The following HSPBAP1 variants were observed in gnomAD, a reference collection of about 807,000 sequenced individuals.
HSPBAP1 encodes the protein HSPB1 associated protein 1, also known as HSPB1-associated protein 1.
In HSPBAP1, 27 loss-of-function variants were observed where a neutral mutation model predicts 45.2. The observed-to-expected ratio is 0.60, with a 90% confidence interval of 0.44 to 0.82. The LOEUF (loss-of-function observed/expected upper bound fraction) is 0.82, where lower values mean the gene tolerates loss of function less well. Among genes scored for constraint, HSPBAP1 ranks in the 40% least tolerant of loss-of-function variants. The pLI, the probability that HSPBAP1 is intolerant of heterozygous loss-of-function variation, is 0.00. For synonymous variants in HSPBAP1, 204 were observed against 202.7 expected (o/e 1.01, Z -0.06); for missense variants, 510 against 590.9 (o/e 0.86, Z 1.42).
intron 3 of HSPBAP1, among the ~76,000 whole-genome samples, chr3:122,761,155 G>A (rs2107515161): frequency 6.6e-6 from 1 of 152,244 alleles, no homozygotes; most frequent in South Asian, 2.1e-4. Context: ...AAAGGTAGCT[G>A]AAAGCCATTC....
intron 6 of HSPBAP1, among the ~76,000 whole-genome samples, chr3:122,747,659 C>T (rs868867897): frequency 0.05 from 6,782 of 136,720 alleles, 279 homozygotes; most frequent in Admixed American, 0.075. Context: ...CCCGGCCAGC[C>T]GCCCCGTCCG....
At chr3:122,759,579 T>C (rs1304753573) in intron 3 of HSPBAP1, among the ~76,000 whole-genome samples, 1 of 152,210 alleles carries the variant, frequency 6.6e-6, no homozygotes, top group Non-Finnish European at 1.5e-5. Flanking sequence ...ATTCAACAAA[T>C]ATTTACTGAC....
chr3:122,767,663 A>C (rs751181977), intron 3 of HSPBAP1, among the ~76,000 whole-genome samples: 3 of 152,226 alleles, frequency 2.0e-5, no homozygotes, highest in Non-Finnish European at 2.9e-5. Context: ...GCGCAGTGGC[A>C]CATTCCTATA....
chr3:122,780,210 AC>A (rs1935374021), intron 1 of HSPBAP1, among the ~76,000 whole-genome samples: 1 of 79,700 alleles, frequency 1.3e-5, no homozygotes, highest in Admixed American at 1.1e-4. Context: ...TCCCTCCCGG[AC>A]GGGGCGGCTG....
At chr3:122,766,212 G>A (rs1265611131) in intron 3 of HSPBAP1, among the ~76,000 whole-genome samples, 1 of 152,082 alleles carries the variant, frequency 6.6e-6, no homozygotes, top group Non-Finnish European at 1.5e-5. Context: ...AGTGGGTTGT[G>A]TCATTTTAAA....
At chr3:122,769,406 T>A (rs888547457) in intron 2 of HSPBAP1, among the ~76,000 whole-genome samples, 5 of 152,188 alleles carry the variant, frequency 3.3e-5, no homozygotes, top group African/African-American at 1.2e-4. Flanking sequence ...AAAGCTTCAA[T>A]AAAAGATGTA....
chr3:122,760,317 T>G (rs1387076931), intron 3 of HSPBAP1, among the ~76,000 whole-genome samples: 1 of 152,140 alleles, frequency 6.6e-6, no homozygotes, highest in Non-Finnish European at 1.5e-5. Context: ...TGCCTTATTT[T>G]TATTTTAATC....
At chr3:122,779,835 G>T (rs1935347069) in intron 1 of HSPBAP1, among the ~76,000 whole-genome samples, 1 of 152,062 alleles carries the variant, frequency 6.6e-6, no homozygotes, top group Non-Finnish European at 1.5e-5. Context: ...TAAGGTCACA[G>T]ATCAACAGGA....
At chr3:122,779,088 G>C (rs900493884) in intron 1 of HSPBAP1, among the ~76,000 whole-genome samples, 2 of 151,566 alleles carry the variant, frequency 1.3e-5, no homozygotes, top group Non-Finnish European at 2.9e-5. Context: ...TGTTGCCCAG[G>C]CTGGAGTGCA....
At chr3:122,787,722 C>A (rs1417532066) in intron 1 of HSPBAP1, among the ~76,000 whole-genome samples, 5 of 152,024 alleles carry the variant, frequency 3.3e-5, no homozygotes, top group Admixed American at 1.3e-4. Flanking sequence ...AAGTTTAAAA[C>A]CTCTGGAATG....
At chr3:122,773,862 C>T (rs1935095924) in intron 2 of HSPBAP1, among the ~76,000 whole-genome samples, 1 of 152,170 alleles carries the variant, frequency 6.6e-6, no homozygotes. Context: ...TGGTCTTGAA[C>T]TCCTGGGCTC....
chr3:122,768,957 A>G, intron 2 of HSPBAP1, 75 bp from the exon 3 acceptor site: 2 of 1,095,418 alleles, frequency 1.8e-6, no homozygotes, highest in Non-Finnish European at 2.6e-6. Context: ...TTTAAAATAA[A>G]GATAATTTCA....
chr3:122,775,411 T>G (rs1935157821), intron 2 of HSPBAP1, among the ~76,000 whole-genome samples: 1 of 152,224 alleles, frequency 6.6e-6, no homozygotes, highest in South Asian at 2.1e-4. Flanking sequence ...TTATTAGTCA[T>G]TAAGGAAACA....
At position 122,740,729 on chromosome 3, in the gene HSPBAP1, C is replaced by T. The variant is rs747800045; in HGVS notation, c.1083G>A (p.Val361=). Residue 361 remains valine, a synonymous_variant, in exon 8 of 8, where the codon GTG becomes GTA. Coordinates refer to ENST00000306103, the MANE Select transcript of HSPBAP1 (RefSeq NM_024610.6). ...TTTGGCCCACCTCCATGTGGTTGCACACATTTAATTCTTCCTTTTTCATGT... is the reference window on the plus strand; with the variant it reads ...TTTGGCCCACCTCCATGTGGTTGCATACATTTAATTCTTCCTTTTTCATGT... ...GEHMKKEELN[V]CNHMEVGQTG... 2 of 1,614,018 alleles carry T rather than the reference C, an allele frequency of 1.2e-6. No homozygotes were observed. The highest frequency in any genetic ancestry group is 2.7e-5 in the African/African-American group (2 of 74,936).
Position 122,755,439 on chromosome 3 carries a change from A to T in HSPBAP1, c.570-8T>A. On this transcript the variant is annotated splice_region_variant and splice_polypyrimidine_tract_variant and intron_variant, in intron 4 of 7. Coordinates refer to ENST00000306103, the MANE Select transcript of HSPBAP1 (RefSeq NM_024610.6). ...AAGAGATGCCATCGTTTCCTAATTA[A>T]AAAAAAAAAAAAAAGATACAAGTTA... 5.0e-6 allele frequency: 5 copies of T among 1,003,720 alleles called. No homozygotes were observed. Among genetic ancestry groups the T allele is most frequent in the African/African-American group, 1.7e-5 (1 of 59,152 alleles). 62.2% of individuals were successfully genotyped at this position (1,003,720 alleles called of 1,614,324 possible).
At chr3:122,744,206 A>G (rs1170161672) in intron 6 of HSPBAP1, among the ~76,000 whole-genome samples, 2 of 152,196 alleles carry the variant, frequency 1.3e-5, no homozygotes, top group Non-Finnish European at 2.9e-5. Context: ...TTTAGAAAAA[A>G]TACTGATAAA....
intron 2 of HSPBAP1, 28 bp from the exon 3 acceptor site, chr3:122,768,910 A>G: frequency 1.4e-6 from 2 of 1,382,252 alleles, no homozygotes; most frequent in Non-Finnish European, 2.0e-6. Context: ...GCAACCTTAA[A>G]TGTATAATGA....
At chr3:122,756,450 G>A (rs1934358646) in intron 4 of HSPBAP1, among the ~76,000 whole-genome samples, 1 of 152,106 alleles carries the variant, frequency 6.6e-6, no homozygotes, top group South Asian at 2.1e-4. Context: ...ACTTTGGGAG[G>A]CCGAGGCAGA....
chr3:122,779,229 G>T (rs1483444447), intron 1 of HSPBAP1, among the ~76,000 whole-genome samples: 1 of 151,482 alleles, frequency 6.6e-6, no homozygotes, highest in East Asian at 1.9e-4. Context: ...TTTTAGTAGA[G>T]ACGGGCTTTC....
Sources: gnomAD v4.1 joint callset for allele counts (sites outside exome capture counted in the v4.1 genomes callset) on GRCh38, gnomAD v4.1.1 for gene constraint, MANE v1.5 for transcripts, NCBI Gene and HGNC (gene_info 2026-07-23, HGNC 2026-07-21) for gene names.